PHF5A: variants seen among roughly 807,000 people sequenced by gnomAD.
PHF5A encodes PHD finger-like domain-containing protein 5A.
For missense variants in PHF5A, 24 were observed against 140.6 expected, an observed-to-expected ratio of 0.17 and a Z score of 4.19; for synonymous variants, 52 against 46.0, an observed-to-expected ratio of 1.13 and a Z score of -0.52.
Position 41,460,426 on chromosome 22 carries a change from C to T in PHF5A, c.305G>A (p.Arg102His). ...CCTCTTCTTGAAGCCGTATTTTTTG[C>T]GTTCATAGAAGAGGTCTGTCTTAGA... ...GSSKTDLFYE[R>H]KKYGFKKR is the part of the protein sequence containing the mutation. Residue 102 changes from arginine to histidine, a missense_variant, in exon 4 of 4, where the codon CGC becomes CAC. Arg to His is a conservative substitution (Grantham distance 29, BLOSUM62 0). Transcript: ENST00000216252. 1 of 1,602,482 alleles carries T rather than the reference C, an allele frequency of 6.2e-7. No homozygotes were observed. The highest frequency in any genetic ancestry group is 8.5e-7 in the Non-Finnish European group (1 of 1,172,024).
chr22:41,461,984 G>C (rs968903002), intron 3 of PHF5A, among the ~76,000 whole-genome samples: 3 of 152,154 alleles, frequency 2.0e-5, no homozygotes, highest in Admixed American at 2.0e-4. Context: ...TACCATAGGA[G>C]ACTAATGGGT....
chr22:41,460,549 A>C, intron 3 of PHF5A, 62 bp from the exon 4 acceptor site: 1 of 1,402,162 alleles, frequency 7.1e-7, no homozygotes, highest in Non-Finnish European at 9.9e-7. Flanking sequence ...GACTTAAGAT[A>C]AAAAATTTAA....
Position 41,467,729 on chromosome 22 carries a change from C to T in PHF5A, c.77-115G>A, listed in dbSNP as rs953247633. ...TACACTAGTCTCCTTTTGACAGTGA[C>T]TTTAGGGCCCTCCTCTTGGCATCAC... On this transcript the variant is annotated intron_variant, in intron 2 of 3. Coordinates refer to ENST00000216252, the MANE Select transcript of PHF5A (RefSeq NM_032758.4). The T allele has an allele frequency of 3.3e-6, 4 of 1,203,698 alleles. No individual in the cohort carries two copies. The South Asian group carries it at 5.9e-5, about 18-fold the overall frequency. The allele number at this position is 1,203,698 out of a possible 1,614,324, so 74.6% of individuals were successfully genotyped here.
At chr22:41,463,724 C>CAAAAAAAA (rs11387908) in intron 3 of PHF5A, among the ~76,000 whole-genome samples, 3 of 59,054 alleles carry the variant, frequency 5.1e-5, no homozygotes, top group African/African-American at 2.2e-4. Context: ...GACTCTGTCT[C>CAAAAAAAA]AAAAAAAAAA....
intron 3 of PHF5A, among the ~76,000 whole-genome samples, chr22:41,465,433 G>A (rs1283134288): frequency 6.6e-6 from 1 of 152,110 alleles, no homozygotes; most frequent in African/African-American, 2.4e-5. Flanking sequence ...AAAGTGCTGG[G>A]ATTGCAGGCA....
intron 3 of PHF5A, among the ~76,000 whole-genome samples, chr22:41,466,173 C>G (rs1266406558): frequency 6.6e-6 from 1 of 152,154 alleles, no homozygotes; most frequent in Non-Finnish European, 1.5e-5. Context: ...ATCATACTTC[C>G]TTTTGTTTTT....
chr22:41,463,806 A>T (rs2037845515), intron 3 of PHF5A, among the ~76,000 whole-genome samples: 1 of 151,410 alleles, frequency 6.6e-6, no homozygotes, highest in South Asian at 2.1e-4. Context: ...AGGCAGGAGA[A>T]TCGCTTGAAC....
chr22:41,467,739 C>CT (rs2037880977), intron 2 of PHF5A, 125 bp from the exon 3 acceptor site: 1 of 1,145,128 alleles, frequency 8.7e-7, no homozygotes, highest in Non-Finnish European at 1.2e-6. Flanking sequence ...CTTTAGGGCC[C>CT]TCCTCTTGGC....
chr22:41,460,828 T>C (rs2037821742), intron 3 of PHF5A, among the ~76,000 whole-genome samples: 2 of 152,128 alleles, frequency 1.3e-5, no homozygotes, highest in Admixed American at 1.3e-4. Context: ...TCTCCTTAAT[T>C]GGGAGGCCCA....
intron 3 of PHF5A, among the ~76,000 whole-genome samples, chr22:41,466,227 C>G (rs2037865230): frequency 2.6e-5 from 4 of 152,108 alleles, no homozygotes; most frequent in Admixed American, 2.6e-4. Flanking sequence ...ACAAAGAACC[C>G]TGCTGCCAAT....
At chr22:41,468,504 C>T (rs2037894143) in intron 1 of PHF5A, 98 bp downstream of exon 1, 8 of 1,370,342 alleles carry the variant, frequency 5.8e-6, no homozygotes, top group Non-Finnish European at 7.2e-6. Context: ...AACGTGGCGC[C>T]TGCGAGGCAA....
chr22:41,460,892 G>C (rs2037822077), intron 3 of PHF5A, among the ~76,000 whole-genome samples: 1 of 152,104 alleles, frequency 6.6e-6, no homozygotes, highest in South Asian at 2.1e-4. Context: ...TCATTTATAG[G>C]CCGGGCACGG....
intron 3 of PHF5A, among the ~76,000 whole-genome samples, chr22:41,461,040 G>A (rs931658289): frequency 3.3e-5 from 5 of 152,104 alleles, no homozygotes; most frequent in Admixed American, 2.0e-4. Context: ...AGACGTGGTG[G>A]TGCGTGCCTG....
intron 3 of PHF5A, among the ~76,000 whole-genome samples, chr22:41,462,448 T>G (rs1368414238): frequency 6.6e-6 from 1 of 152,186 alleles, no homozygotes; most frequent in African/African-American, 2.4e-5. Flanking sequence ...TATCGAGTCA[T>G]TACATTGAGC....
chr22:41,462,306 T>C (rs2037833145), intron 3 of PHF5A, among the ~76,000 whole-genome samples: 1 of 152,244 alleles, frequency 6.6e-6, no homozygotes, highest in Non-Finnish European at 1.5e-5. Context: ...TATTAGGTGA[T>C]AGTATGAATT....
At chr22:41,460,528 G>C in intron 3 of PHF5A, 41 bp from the exon 4 acceptor site, 1 of 1,494,678 alleles carries the variant, frequency 6.7e-7, no homozygotes, top group Non-Finnish European at 9.2e-7. Context: ...CTTTGAGCCT[G>C]AACCAAGAGT....
chr22:41,467,392 G>A, intron 3 of PHF5A, 56 bp downstream of exon 3: 3 of 1,548,280 alleles, frequency 1.9e-6, no homozygotes, highest in Non-Finnish European at 2.7e-6. Flanking sequence ...TGCAGTGGAT[G>A]GCAAAGTGTT....
At chr22:41,467,903 T>TG (rs1282078292) in intron 2 of PHF5A, 6 of 615,852 alleles carry the variant, frequency 9.7e-6, no homozygotes, top group Non-Finnish European at 1.7e-5. Context: ...GGAGGGGTCA[T>TG]GCTACTCTGG....
intron 3 of PHF5A, among the ~76,000 whole-genome samples, chr22:41,463,357 G>A (rs927105640): frequency 2.7e-5 from 4 of 150,904 alleles, no homozygotes; most frequent in African/African-American, 9.7e-5. Context: ...TTGGAAAGCC[G>A]AGGCAGGCAG....
Sources: allele counts gnomAD v4.1 joint callset (sites outside exome capture counted in the v4.1 genomes callset), GRCh38; gene constraint gnomAD v4.1.1; transcripts MANE v1.5; gene names NCBI Gene and HGNC (gene_info 2026-07-23, HGNC 2026-07-21).